Variants in ARL14EPL observed in about 807,000 individuals in gnomAD.
ARL14EPL encodes the protein ARL14 effector protein-like.
Under a neutral mutation model 15.9 loss-of-function variants are expected in ARL14EPL, and 17 were observed. The observed-to-expected ratio is 1.07, with a 90% CI of 0.73 to 1.60. The LOEUF is 1.60. Ranked by LOEUF, ARL14EPL falls within the 40% of genes most tolerant of loss-of-function variation. The probability of loss-of-function intolerance (pLI) is 0.00; values close to 1 mark genes in which losing one functional copy is unlikely to be tolerated. For missense variants in ARL14EPL, 214 were observed against 185.9 expected, an observed-to-expected ratio of 1.15 and a Z score of -0.88; for synonymous variants, 78 against 63.8, an observed-to-expected ratio of 1.22 and a Z score of -1.06.
chr5:116,045,442 T>C (rs1056281971), intron 1 of ARL14EPL, among the ~76,000 whole-genome samples: 1 of 152,124 alleles, frequency 6.6e-6, no homozygotes, highest in Non-Finnish European at 1.5e-5. Context: ...ACAGAAGGGG[T>C]TGGTTTTTCA....
At chr5:116,049,617 G>A (rs1450832103) in intron 1 of ARL14EPL, among the ~76,000 whole-genome samples, 1 of 152,166 alleles carries the variant, frequency 6.6e-6, no homozygotes, top group Non-Finnish European at 1.5e-5. Context: ...TACCCAATGG[G>A]CAGTTTTTCA....
At position 116,052,157 on chromosome 5, in the gene ARL14EPL, A is replaced by G. The variant is rs541584250; in HGVS notation, c.96+596A>G. On this transcript the variant is annotated intron_variant, in intron 2 of 3. Coordinates refer to ENST00000686077, the MANE Select transcript of ARL14EPL (RefSeq NM_001195581.2). ...TTTGTCAAACAAGACTAAGTTATTG[A>G]GCTTGTCCCGAACTTTGCCTTTGGA... 2.5e-6 allele frequency: 4 copies of G among 1,610,634 alleles called. No individual in the cohort carries two copies. The South Asian group carries it at 4.4e-5, about 18-fold the overall frequency.
At chr5:116,054,897 T>C (rs1749479312) in intron 3 of ARL14EPL, among the ~76,000 whole-genome samples, 1 of 151,300 alleles carries the variant, frequency 6.6e-6, no homozygotes, top group African/African-American at 2.4e-5. Context: ...AGGAAAATGA[T>C]AAATTTAACT....
intron 3 of ARL14EPL, 56 bp downstream of exon 3, chr5:116,054,209 C>T (rs1749461719): frequency 1.4e-6 from 2 of 1,443,518 alleles, no homozygotes; most frequent in African/African-American, 1.4e-5. Flanking sequence ...CATGAATTCT[C>T]CTTGACAAAG....
intron 1 of ARL14EPL, among the ~76,000 whole-genome samples, chr5:116,044,263 A>G (rs1749222023): frequency 6.6e-6 from 1 of 152,160 alleles, no homozygotes; most frequent in Non-Finnish European, 1.5e-5. Context: ...TTCACGAGTG[A>G]ACAGAGCAAG....
intron 1 of ARL14EPL, among the ~76,000 whole-genome samples, chr5:116,035,288 G>A (rs962315479): frequency 6.6e-6 from 1 of 152,198 alleles, no homozygotes; most frequent in Non-Finnish European, 1.5e-5. Flanking sequence ...GCAGCCACTT[G>A]GTCCGCGAGG....
chr5:116,050,055 A>T (rs1436817728), intron 1 of ARL14EPL, among the ~76,000 whole-genome samples: 2 of 152,216 alleles, frequency 1.3e-5, no homozygotes, highest in African/African-American at 4.8e-5. Flanking sequence ...TATGCATTTT[A>T]AAATAGCTGT....
In ARL14EPL at chr5:116,053,045, G is replaced by T. The variant is rs376642317; in HGVS notation, c.97-969G>T. The stretch of plus-strand genomic sequence containing the variant: ...CCATTTAATTTCTAATTGTCTTTCA[G>T]CTCAGGCCCCATCTAATTTCTAATT... On this transcript the variant is annotated intron_variant, in intron 2 of 3. Transcript: ENST00000686077. 4.4e-4 allele frequency among the ~76,000 whole-genome samples: 67 copies of T among 152,164 alleles called. 2 individuals carry two copies. Among genetic ancestry groups the T allele is most frequent in the African/African-American group, 1.6e-3 (65 of 41,498 alleles).
intron 1 of ARL14EPL, among the ~76,000 whole-genome samples, chr5:116,049,645 C>T (rs1273586858): frequency 1.3e-5 from 2 of 152,114 alleles, no homozygotes; most frequent in Admixed American, 6.5e-5. Flanking sequence ...CCCTCCTTGC[C>T]CTTGTGATCT....
chr5:116,037,689 T>A (rs564486556), intron 1 of ARL14EPL, among the ~76,000 whole-genome samples: 1 of 152,348 alleles, frequency 6.6e-6, no homozygotes, highest in South Asian at 2.1e-4. Context: ...CTTAGAAGTA[T>A]TTTTAAAATA....
At chr5:116,046,545 G>A (rs1263794660) in intron 1 of ARL14EPL, among the ~76,000 whole-genome samples, 1 of 152,198 alleles carries the variant, frequency 6.6e-6, no homozygotes, top group Non-Finnish European at 1.5e-5. Flanking sequence ...AAGGGATGTG[G>A]TTCCTGAGGC....
intron 3 of ARL14EPL, among the ~76,000 whole-genome samples, chr5:116,057,787 G>A (rs1009942967): frequency 4.6e-5 from 7 of 152,190 alleles, no homozygotes; most frequent in Admixed American, 4.6e-4. Flanking sequence ...AGGAGAGGAG[G>A]CATTGTGCCT....
At chr5:116,057,050 A>C (rs533649804) in intron 3 of ARL14EPL, among the ~76,000 whole-genome samples, 1 of 152,360 alleles carries the variant, frequency 6.6e-6, no homozygotes, top group East Asian at 1.9e-4. Context: ...AACCAAATCC[A>C]GCAGCATATC....
chr5:116,044,695 C>T (rs893831425), intron 1 of ARL14EPL, among the ~76,000 whole-genome samples: 5 of 151,888 alleles, frequency 3.3e-5, no homozygotes, highest in African/African-American at 1.2e-4. Context: ...TCTCATAATC[C>T]GATTTCATAT....
chr5:116,055,868 A>T (rs557509447), intron 3 of ARL14EPL, among the ~76,000 whole-genome samples: 1 of 152,052 alleles, frequency 6.6e-6, no homozygotes, highest in Non-Finnish European at 1.5e-5. Flanking sequence ...TCATTGTTCA[A>T]TTCTCATCTG....
At chr5:116,038,073 G>C (rs1749080774) in intron 1 of ARL14EPL, among the ~76,000 whole-genome samples, 1 of 152,146 alleles carries the variant, frequency 6.6e-6, no homozygotes, top group Admixed American at 6.5e-5. Context: ...AGGTAGGGAT[G>C]GCGGAGTGGG....
chr5:116,034,183 T>G (rs1219120789), intron 1 of ARL14EPL, among the ~76,000 whole-genome samples: 1 of 152,202 alleles, frequency 6.6e-6, no homozygotes, highest in African/African-American at 2.4e-5. Flanking sequence ...TGAAAATAGT[T>G]CTTTAGTGTT....
chr5:116,050,637 C>T (rs1749351921), intron 1 of ARL14EPL, among the ~76,000 whole-genome samples: 1 of 152,148 alleles, frequency 6.6e-6, no homozygotes, highest in Non-Finnish European at 1.5e-5. Flanking sequence ...AAATGGCACC[C>T]TGTAGTCAGC....
chr5:116,037,459 TAAAC>T, intron 1 of ARL14EPL, among the ~76,000 whole-genome samples: 1 of 152,332 alleles, frequency 6.6e-6, no homozygotes, highest in African/African-American at 2.4e-5. Flanking sequence ...ATAACAGAGA[TAAAC>T]AAATCATACC....
Sources: allele counts gnomAD v4.1 joint callset (sites outside exome capture counted in the v4.1 genomes callset), GRCh38; gene constraint gnomAD v4.1.1; transcripts MANE v1.5; gene names NCBI Gene and HGNC (gene_info 2026-07-23, HGNC 2026-07-21).